The following FANCA variants were observed in gnomAD, a reference collection of about 807,000 sequenced individuals.
FANCA encodes Fanconi anemia group A protein.
In FANCA, 236 loss-of-function variants were observed where a neutral mutation model predicts 194.3. That is an observed-to-expected ratio of 1.21 (90% CI 1.09 to 1.35). The LOEUF (loss-of-function observed/expected upper bound fraction) is 1.35. Among genes scored for constraint, FANCA ranks in the 40% most tolerant of loss-of-function variants. The pLI is 0.00. For synonymous variants in FANCA, 1,014 were observed against 715.8 expected (o/e 1.42, Z -6.65); for missense variants, 2,628 against 1,813.9 (o/e 1.45, Z -8.15).
chr16:89,742,656 A>G (rs530197678), intron 37 of FANCA, 144 bp downstream of exon 37: 2 of 508,872 alleles, frequency 3.9e-6, no homozygotes, highest in East Asian at 1.2e-4. Context: ...AAAAATACAA[A>G]AAAAAAAAAA....
intron 18 of FANCA, 24 bp downstream of exon 18, chr16:89,779,845 G>T (rs1230840925): frequency 6.2e-7 from 1 of 1,604,066 alleles, no homozygotes; most frequent in Admixed American, 1.7e-5. Context: ...AGCTGCTAGA[G>T]GCCTTTTCGG....
At chr16:89,760,450 G>A (rs978564962) in intron 29 of FANCA, among the ~76,000 whole-genome samples, 11 of 152,220 alleles carry the variant, frequency 7.2e-5, no homozygotes, top group East Asian at 3.9e-4. Flanking sequence ...CCGGAAGGAC[G>A]AGGAGCACAG....
intron 15 of FANCA, 80 bp downstream of exon 15, chr16:89,784,774 T>C (rs2039840887): frequency 6.5e-6 from 7 of 1,082,168 alleles, no homozygotes; most frequent in African/African-American, 4.6e-5. Flanking sequence ...CAGGAGGCTC[T>C]TGGGGAGGCC....
At position 89,795,902 on chromosome 16, in the gene FANCA, C is replaced by G. The variant is rs201771215; in HGVS notation, c.1006+4G>C. 4.2e-5 allele frequency: 68 copies of G among 1,609,996 alleles called. No homozygotes were observed. In the East Asian group the frequency reaches 1.5e-3, roughly 36 times the overall value. ...CAACTGAGCAGCCTCCACACTGGGC[C>G]TACCTTTCAGCACAGGGCTGTGAGT... On this transcript the variant is annotated splice_donor_region_variant and intron_variant, in intron 11 of 42. Coordinates refer to ENST00000389301, the MANE Select transcript of FANCA (RefSeq NM_000135.4).
chr16:89,769,759 C>T, intron 26 of FANCA, 78 bp downstream of exon 26: 1 of 1,524,148 alleles, frequency 6.6e-7, no homozygotes, highest in Non-Finnish European at 9.0e-7. Context: ...ATGTCTGTCT[C>T]TTCTAATTTT....
chr16:89,796,149 C>T, intron 10 of FANCA, 131 bp from the exon 11 acceptor site: 2 of 733,952 alleles, frequency 2.7e-6, no homozygotes, highest in South Asian at 1.5e-5. Context: ...GGCCAGGCCA[C>T]TATAACCACA....
chr16:89,746,977 T>G (rs1282236343), intron 33 of FANCA, 87 bp from the exon 34 acceptor site: 1 of 1,266,000 alleles, frequency 7.9e-7, no homozygotes, highest in East Asian at 2.5e-5. Context: ...GATTCAGTTT[T>G]GAGAAAAACA....
chr16:89,740,317 G>A, intron 38 of FANCA: 2 of 579,564 alleles, frequency 3.5e-6, no homozygotes, highest in Admixed American at 3.0e-5. Context: ...CAAGGCTGCT[G>A]CACCACGTCC....
Position 89,738,337 on chromosome 16 carries a change from C to T in FANCA, c.*264G>A, listed in dbSNP as rs1213448276. The T allele has an allele frequency of 5.2e-5, 78 of 1,495,544 alleles. No homozygotes were observed. The highest frequency in any genetic ancestry group is 2.3e-4 in the Middle Eastern group (1 of 4,290). The allele number at this position is 1,495,544 out of a possible 1,614,324, so 92.6% of individuals were successfully genotyped here. A position where few individuals can be genotyped will look rare whatever the true frequency, so the allele number is the denominator to read the frequency against. ...TTCGTGTGCACCCGCATGGGAGGGTCGGAGGGTGCTGCCCGCCCTTGGTGC... is the reference window on the plus strand; with the variant it reads ...TTCGTGTGCACCCGCATGGGAGGGTTGGAGGGTGCTGCCCGCCCTTGGTGC... On this transcript the variant is annotated 3_prime_UTR_variant, in exon 43 of 43. Transcript: ENST00000389301.
rs750021837 is a variant in FANCA, at chr16:89,816,574, G to A, written c.42C>T (p.Asp14=). Residue 14 remains aspartate, a synonymous_variant, in exon 1 of 43, where the codon GAC becomes GAT. Transcript: ENST00000389301. ...CCCAGGCCCTCCGGCGGCCCCCTGG[G>A]TCCTGGCCCGAGGCGGAGTTCGGGA... ...SWVPNSASGQ[D]PGGRRRAWAE... The A allele has an allele frequency of 2.6e-6, 4 of 1,523,936 alleles. No homozygotes were observed. Among genetic ancestry groups the A allele is most frequent in the African/African-American group, 1.4e-5 (1 of 70,286 alleles). The allele number at this position is 1,523,936 out of a possible 1,614,324, so 94.4% of individuals were successfully genotyped here. A position where few individuals can be genotyped will look rare whatever the true frequency, so the allele number is the denominator to read the frequency against.
intron 7 of FANCA, among the ~76,000 whole-genome samples, chr16:89,803,987 C>T (rs1466046278): frequency 6.6e-6 from 1 of 152,010 alleles, no homozygotes; most frequent in Non-Finnish European, 1.5e-5. Flanking sequence ...CTGCCAATCT[C>T]CAATACCAGA....
intron 29 of FANCA, among the ~76,000 whole-genome samples, chr16:89,760,869 C>T (rs2038928023): frequency 6.6e-6 from 1 of 152,188 alleles, no homozygotes; most frequent in African/African-American, 2.4e-5. Flanking sequence ...TAATCCACTT[C>T]TGTATCTACC....
intron 37 of FANCA, 126 bp from the exon 38 acceptor site, chr16:89,740,992 C>G (rs1465259520): frequency 2.4e-6 from 2 of 847,920 alleles, no homozygotes; most frequent in African/African-American, 1.7e-5. Flanking sequence ...TTAAGTGGAT[C>G]TTAGAAAACT....
At chr16:89,773,125 C>G in intron 22 of FANCA, 146 bp downstream of exon 22, 1 of 703,640 alleles carries the variant, frequency 1.4e-6, no homozygotes, top group African/African-American at 1.7e-5. Context: ...GTTCCACACC[C>G]GCCAGCCCGG....
intron 26 of FANCA, 155 bp downstream of exon 26, chr16:89,769,682 A>G: frequency 2.5e-6 from 2 of 791,822 alleles, no homozygotes; most frequent in Non-Finnish European, 4.3e-6. Context: ...AACAAATGAC[A>G]GATAAAATTC....
At chr16:89,744,609 C>A in intron 36 of FANCA, 2 of 363,478 alleles carry the variant, frequency 5.5e-6, no homozygotes, top group South Asian at 2.2e-5. Context: ...GCTCCTCACT[C>A]AGACGGGAGC....
At chr16:89,746,914 A>T (rs1335354610) in intron 33 of FANCA, 24 bp from the exon 34 acceptor site, 2 of 1,551,034 alleles carry the variant, frequency 1.3e-6, no homozygotes, top group East Asian at 4.9e-5. Flanking sequence ...CAAGGCAGGT[A>T]AGAAAAGCCC....
At chr16:89,784,827 T>C (rs1190781014) in intron 15 of FANCA, 27 bp downstream of exon 15, 1 of 1,557,150 alleles carries the variant, frequency 6.4e-7, no homozygotes, top group Admixed American at 1.7e-5. Flanking sequence ...GCACCAGAAA[T>C]CATGGATGTG....
chr16:89,742,386 A>G (rs2062155047), intron 37 of FANCA, among the ~76,000 whole-genome samples: 2 of 151,908 alleles, frequency 1.3e-5, no homozygotes, highest in Admixed American at 1.3e-4. Flanking sequence ...TGAGCCCAGA[A>G]GAGGCTGCAG....
Sources: gnomAD v4.1 joint callset for allele counts (sites outside exome capture counted in the v4.1 genomes callset) on GRCh38, gnomAD v4.1.1 for gene constraint, MANE v1.5 for transcripts, NCBI Gene and HGNC (gene_info 2026-07-23, HGNC 2026-07-21) for gene names.